Variants in USH2A observed in about 807,000 individuals in gnomAD.
USH2A encodes the protein Usher syndrome 2A (autosomal recessive, mild).
In USH2A, 443 loss-of-function variants were observed where a neutral mutation model predicts 538.9. The ratio of observed to expected loss-of-function variants is 0.82; its 90% confidence interval spans 0.76 to 0.89. The LOEUF (loss-of-function observed/expected upper bound fraction) is 0.89, where lower values mean the gene tolerates loss of function less well. Among genes scored for constraint, USH2A ranks in the 40% least tolerant of loss-of-function variants. The pLI is 0.00. For synonymous variants in USH2A, 2,413 were observed against 2,273.5 expected, an observed-to-expected ratio of 1.06 and a Z score of -1.75; for missense variants, 6,633 against 6,324.8, an observed-to-expected ratio of 1.05 and a Z score of -1.65.
intron 32 of USH2A, among the ~76,000 whole-genome samples, chr1:216,003,951 A>G (rs1477998612): frequency 6.6e-6 from 1 of 152,132 alleles, no homozygotes; most frequent in African/African-American, 2.4e-5. Context: ...GAAATGGTTA[A>G]ATTCTGAATA....
intron 20 of USH2A, among the ~76,000 whole-genome samples, chr1:216,176,091 C>T (rs570969983): frequency 1.3e-5 from 2 of 152,266 alleles, no homozygotes; most frequent in East Asian, 1.9e-4. Context: ...AATATTAACA[C>T]GAGTTTGCCA....
chr1:215,895,916 C>G (rs1380943141), intron 40 of USH2A, among the ~76,000 whole-genome samples: 3 of 152,148 alleles, frequency 2.0e-5, no homozygotes, highest in Non-Finnish European at 2.9e-5. Flanking sequence ...ACCTGTACAG[C>G]ATGTTACTGT....
chr1:216,323,653 C>T lies in USH2A; in HGVS notation c.1371G>A (p.Leu457=), dbSNP rs1054796812. 6.2e-6 allele frequency: 10 copies of T among 1,613,346 alleles called. No homozygotes were observed. Among genetic ancestry groups the T allele is most frequent in the African/African-American group, 5.3e-5 (4 of 74,834 alleles). The change falls in exon 8 of 72, where the codon CTG becomes CTA. Residue 457 remains leucine, a synonymous_variant. Coordinates refer to ENST00000307340, the MANE Select transcript of USH2A (RefSeq NM_206933.4). ...CAGGACGATAATTTGGTCCAGGTGT[C>T]AGGATGCTAAATGTGACATTGCCAC... The part of the protein sequence containing the change: ...YSRGNVTFSI[L]TPGPNYRPGY...
At position 216,246,700 on chromosome 1, in the gene USH2A, C is replaced by T. The variant is rs1449508445; in HGVS notation, c.2694G>A (p.Gln898=). 6.2e-7 allele frequency: 1 copy of T among 1,614,098 alleles called. No individual in the cohort carries two copies. Among genetic ancestry groups the T allele is most frequent in the East Asian group, 2.2e-5 (1 of 44,864 alleles). ...TCCCCAAGGAATCACACTCACACAT[C>T]TGGCAGTGTTGAAAATTGTCAATGG... ...NLTIDNFQHC[Q]MCECDSLGTL... Residue 898 remains glutamine (Q), a synonymous_variant, in exon 13 of 72, where the codon CAG becomes CAA. Transcript: ENST00000307340.
At chr1:216,182,953 T>C (rs1027579277) in intron 20 of USH2A, among the ~76,000 whole-genome samples, 1 of 152,122 alleles carries the variant, frequency 6.6e-6, no homozygotes, top group African/African-American at 2.4e-5. Context: ...CTACCATCTA[T>C]GTGATGACCA....
intron 9 of USH2A, among the ~76,000 whole-genome samples, chr1:216,317,970 T>G (rs557742843): frequency 2.4e-4 from 36 of 152,338 alleles, no homozygotes; most frequent in Admixed American, 3.9e-4. Flanking sequence ...GCCACCAATT[T>G]GTGACATTGA....
At position 215,998,992 on chromosome 1, in the gene USH2A, T is replaced by C; in HGVS notation, c.6552A>G (p.Thr2184=). The C allele has an allele frequency of 1.2e-6, 2 of 1,612,716 alleles. No individual in the cohort carries two copies. The highest frequency in any genetic ancestry group is 1.7e-6 in the Non-Finnish European group (2 of 1,178,966). Reference sequence around the variant, plus strand: ...TGACACTCCAAATTGTAAAATCATGTGTATGGTTTGACATATATAATACAT... The same window carrying C: ...TGACACTCCAAATTGTAAAATCATGCGTATGGTTTGACATATATAATACAT... The part of the protein sequence containing the change: ...ERYVLYMSNH[T]HDFTIWSVIY... The change falls in exon 34 of 72, where the codon ACA becomes ACG. Residue 2184 remains threonine, a synonymous_variant. Transcript: ENST00000307340.
chr1:216,196,766 C>A, intron 18 of USH2A, 44 bp from the exon 19 acceptor site: 2 of 1,582,838 alleles, frequency 1.3e-6, no homozygotes, highest in South Asian at 1.1e-5. Flanking sequence ...CAATGAATGT[C>A]GTCCCTATAT....
At chr1:215,858,096 T>G (rs1002901941) in intron 44 of USH2A, among the ~76,000 whole-genome samples, 6 of 152,292 alleles carry the variant, frequency 3.9e-5, no homozygotes, top group African/African-American at 1.4e-4. Flanking sequence ...AGTTAAGGCT[T>G]GTACTTGCTT....
At chr1:215,816,965 C>T (rs1248773513) in intron 48 of USH2A, 32 bp downstream of exon 48, 17 of 1,608,014 alleles carry the variant, frequency 1.1e-5, no homozygotes, top group Non-Finnish European at 1.4e-5. Context: ...GTGAGAAAAA[C>T]ATGGTTCACT....
intron 19 of USH2A, chr1:216,195,622 G>C (rs1468197669): frequency 6.6e-6 from 1 of 151,946 alleles, no homozygotes; most frequent in Non-Finnish European, 1.5e-5. Flanking sequence ...TATTGGCCAA[G>C]GGCATGAAAA....
intron 3 of USH2A, among the ~76,000 whole-genome samples, chr1:216,398,577 C>CCACA (rs1439742697): frequency 6.6e-6 from 1 of 151,944 alleles, no homozygotes; most frequent in African/African-American, 2.4e-5. Flanking sequence ...CACTCTCTCC[C>CCACA]CACACACACT....
intron 70 of USH2A, among the ~76,000 whole-genome samples, chr1:215,632,404 A>G (rs1244732618): frequency 2.0e-5 from 3 of 152,228 alleles, no homozygotes; most frequent in Admixed American, 6.5e-5. Flanking sequence ...CCAGAGTAAC[A>G]TAACATCTCC....
rs376108157 is a variant in USH2A, at chr1:215,628,988, G to T, written c.15345C>A (p.Ile5115=). 3.3e-5 allele frequency: 53 copies of T among 1,613,726 alleles called. No homozygotes were observed. The highest frequency in any genetic ancestry group is 4.4e-5 in the Non-Finnish European group (52 of 1,180,046). Residue 5115 remains isoleucine, a synonymous_variant, in exon 71 of 72, where the codon ATC becomes ATA. Transcript: ENST00000307340. ...KIPRSGTPVS[I]RSNRSACVLR... ...GGACACATGCACTCCGGTTGCTGCG[G>T]ATACTCACAGGTGTCCCAGACCGGG...
At chr1:216,039,991 CT>C (rs1290513495) in intron 32 of USH2A, among the ~76,000 whole-genome samples, 1 of 151,560 alleles carries the variant, frequency 6.6e-6, no homozygotes, top group Non-Finnish European at 1.5e-5. Context: ...TTTCCTCCCT[CT>C]TTCCCCCTGC....
At chr1:215,718,511 A>G (rs1028812392) in intron 61 of USH2A, among the ~76,000 whole-genome samples, 1 of 152,196 alleles carries the variant, frequency 6.6e-6, no homozygotes, top group Non-Finnish European at 1.5e-5. Context: ...ACTTCAATAA[A>G]GCACTCACCT....
At chr1:216,388,254 A>G (rs1291534294) in intron 3 of USH2A, among the ~76,000 whole-genome samples, 3 of 152,198 alleles carry the variant, frequency 2.0e-5, no homozygotes, top group African/African-American at 7.2e-5. Context: ...AGTAAATGTC[A>G]GGGAATAATA....
At chr1:216,016,161 G>A (rs1668706359) in intron 32 of USH2A, among the ~76,000 whole-genome samples, 1 of 150,828 alleles carries the variant, frequency 6.6e-6, no homozygotes, top group African/African-American at 2.5e-5. Flanking sequence ...CATGGACACA[G>A]GGTGGGGAAC....
At chr1:216,354,531 T>C (rs992571435) in intron 4 of USH2A, among the ~76,000 whole-genome samples, 8 of 152,104 alleles carry the variant, frequency 5.3e-5, no homozygotes, top group African/African-American at 1.9e-4. Context: ...TTTGAGCCAA[T>C]AGATGAAGTC....
Sources: gnomAD v4.1 joint callset for allele counts (sites outside exome capture counted in the v4.1 genomes callset) on GRCh38, gnomAD v4.1.1 for gene constraint, MANE v1.5 for transcripts, NCBI Gene and HGNC (gene_info 2026-07-23, HGNC 2026-07-21) for gene names.